The following NCAN variants were observed in gnomAD, a reference collection of about 807,000 sequenced individuals.
NCAN encodes neurocan core protein.
NCAN carries 47 observed loss-of-function variants against 121.8 expected under a neutral mutation model. The observed-to-expected ratio is 0.39, with a 90% CI of 0.31 to 0.49. The LOEUF (loss-of-function observed/expected upper bound fraction) is 0.49, where lower values mean the gene tolerates loss of function less well. Ranked by LOEUF, NCAN falls within the 20% of genes least tolerant of loss-of-function variation. NCAN has a pLI of 0.92. For missense variants in NCAN, 1,517 were observed against 1,773.4 expected, an observed-to-expected ratio of 0.86 and a Z score of 2.60; for synonymous variants, 633 against 702.0, an observed-to-expected ratio of 0.90 and a Z score of 1.55.
chr19:19,224,057 A>G lies in NCAN; in HGVS notation c.512A>G (p.Tyr171Cys). The change falls in exon 4 of 15, where the codon TAT becomes TGT. Residue 171 changes from tyrosine to cysteine, a missense_variant. Transcript: ENST00000252575. ...CACTACCGATCAGCCCGGGACCGCT[A>G]TGCACTGACCTTCGCTGAGGCCCAG... is the stretch of plus-strand genomic sequence containing the variant. The part of the protein sequence containing the change: ...VFHYRSARDR[Y>C]ALTFAEAQEA... The G allele has an allele frequency of 2.5e-6, 4 of 1,585,474 alleles. No homozygotes were observed. The highest frequency in any genetic ancestry group is 2.6e-6 in the Non-Finnish European group (3 of 1,161,202).
At chr19:19,233,235 CT>C (rs1057424399) in intron 8 of NCAN, among the ~76,000 whole-genome samples, 7 of 151,356 alleles carry the variant, frequency 4.6e-5, no homozygotes, top group African/African-American at 9.7e-5. Flanking sequence ...CACCTGGCCT[CT>C]TTTTTTTTAA....
chr19:19,226,494 C>G lies in NCAN; in HGVS notation c.1081C>G (p.Pro361Ala). 6.3e-7 allele frequency: 1 copy of G among 1,585,516 alleles called. No individual in the cohort carries two copies. Among genetic ancestry groups the G allele is most frequent in the Non-Finnish European group, 8.6e-7 (1 of 1,161,818 alleles). The change falls in exon 7 of 15, where the codon CCC (proline) becomes GCC (alanine). Residue 361 changes from proline to alanine, a missense_variant. Pro to Ala is a conservative substitution (Grantham distance 27). Transcript: ENST00000252575. The part of the protein sequence containing the change: ...FDAYCFRAHH[P>A]TSQHGDLETP... The stretch of plus-strand genomic sequence containing the variant: ...TCTGCTTTCTCCCACAGCTCATCAC[C>G]CCACGTCACAACATGGAGACCTAGA...
rs1351441342 is a variant in NCAN at position 19,225,557 on chromosome 19, A to G, written c.1072+287A>G. On this transcript the variant is annotated intron_variant, in intron 6 of 14. Coordinates refer to ENST00000252575, the MANE Select transcript of NCAN (RefSeq NM_004386.3). This position sits in a 1 kb window ranked among gnomAD's most constrained non-coding sequence, Gnocchi z 4.0. ...TCTCCTGAGGTCCGGAGGCCCCATA[A>G]CCTTGAAAGACAAGCCCCTAGGTGG... 6.6e-6 allele frequency among the ~76,000 whole-genome samples: 1 copy of G among 152,090 alleles called. No individual in the cohort carries two copies. The highest frequency in any genetic ancestry group is 2.4e-5 in the African/African-American group (1 of 41,402).
At position 19,243,964 on chromosome 19, in the gene NCAN, G is replaced by A. The variant is rs945618375; in HGVS notation, c.3493-1349G>A. Among the ~76,000 whole-genome samples, 6 of 152,228 alleles carry A rather than the reference G, an allele frequency of 3.9e-5. No individual in the cohort carries two copies. The South Asian group carries it at 8.3e-4, about 21-fold the overall frequency. The stretch of plus-strand genomic sequence containing the variant: ...TTGCTTGAACCGGGACCTGGGAGGC[G>A]GAGGTAGCAGTGAGCGAGATCGCAC... On this transcript the variant is annotated intron_variant, in intron 12 of 14. Transcript: ENST00000252575.
chr19:19,238,665 C>T, intron 11 of NCAN: 1 of 527,382 alleles, frequency 1.9e-6, no homozygotes, highest in Non-Finnish European at 3.4e-6. Context: ...GGCACCATTC[C>T]AGGAATATTG....
chr19:19,225,166 G>C lies in NCAN; in HGVS notation c.968G>C (p.Arg323Pro), dbSNP rs762347973. The change falls in exon 6 of 15, where the codon CGG becomes CCG. Residue 323 changes from arginine to proline, a missense_variant. By Grantham distance (103) the Arg-to-Pro change is moderately radical. Transcript: ENST00000252575. This position sits in a 1 kb window ranked among gnomAD's most constrained non-coding sequence, Gnocchi z 4.0. Reference sequence around the variant, plus strand: ...CGCTACCCGATCCAGACGCCGCGCCGGCGCTGCGGGGGCCCAGCCCCGGGC... The same window carrying C: ...CGCTACCCGATCCAGACGCCGCGCCCGCGCTGCGGGGGCCCAGCCCCGGGC... The part of the protein sequence containing the change: ...SVRYPIQTPR[R>P]RCGGPAPGVR... 6.5e-7 allele frequency: 1 copy of C among 1,531,518 alleles called. No homozygotes were observed. Among genetic ancestry groups the C allele is most frequent in the South Asian group, 1.2e-5 (1 of 83,162 alleles). The allele number at this position is 1,531,518 out of a possible 1,614,324, so 94.9% of individuals were successfully genotyped here.
intron 6 of NCAN, 95 bp from the exon 7 acceptor site, chr19:19,226,391 T>G: frequency 2.0e-6 from 2 of 998,428 alleles, no homozygotes; most frequent in South Asian, 1.6e-5. Flanking sequence ...CACAGAAGGC[T>G]TATGCTGCAG....
chr19:19,245,762 G>A (rs557578161), intron 13 of NCAN, among the ~76,000 whole-genome samples: 94 of 151,400 alleles, frequency 6.2e-4, no homozygotes, highest in Middle Eastern at 6.8e-3. Context: ...ATATGCATAA[G>A]CCATTGTGCC....
intron 14 of NCAN, among the ~76,000 whole-genome samples, chr19:19,249,268 A>T (rs1317698135): frequency 2.6e-5 from 4 of 152,038 alleles, no homozygotes; most frequent in Non-Finnish European, 5.9e-5. Context: ...ACAGGGTTTC[A>T]CTATGTTGGC....
At chr19:19,238,514 G>A (rs746692493) in intron 11 of NCAN, 103 bp downstream of exon 11, 62 of 1,401,278 alleles carry the variant, frequency 4.4e-5, no homozygotes, top group Non-Finnish European at 5.6e-5. Context: ...TTTTCAAGAC[G>A]TCATCTTTCC....
chr19:19,228,610 G>A lies in NCAN; in HGVS notation c.2990G>A (p.Gly997Glu), dbSNP rs1440231896. Residue 997 changes from glycine to glutamate, a missense_variant, in exon 8 of 15, where the codon GGG (glycine) becomes GAG (glutamate). Gly to Glu is a moderately conservative substitution (Grantham distance 98). Coordinates refer to ENST00000252575, the MANE Select transcript of NCAN (RefSeq NM_004386.3). ...VASGEEPALP[G>E]TPMNAGAEEV... ...AGTGGAGAGGAGCCAGCCCTGCCAG[G>A]GACCCCTATGAATGCAGGTGCGGAG... The A allele has an allele frequency of 6.2e-7, 1 of 1,612,146 alleles. No individual in the cohort carries two copies. The highest frequency in any genetic ancestry group is 1.7e-5 in the Admixed American group (1 of 59,998).
chr19:19,246,226 C>T (rs549271167), intron 13 of NCAN, among the ~76,000 whole-genome samples: 7 of 151,098 alleles, frequency 4.6e-5, no homozygotes, highest in East Asian at 2.0e-4. Flanking sequence ...TTAGTAGAGA[C>T]GGGGTTTCAC....
chr19:19,218,795 T>C, intron 2 of NCAN, 120 bp from the exon 3 acceptor site: 1 of 1,025,034 alleles, frequency 9.8e-7, no homozygotes, highest in African/African-American at 1.7e-5. Context: ...TGAGGTCAAG[T>C]GGCCCTAGGT....
intron 13 of NCAN, among the ~76,000 whole-genome samples, chr19:19,247,706 A>G (rs1022221725): frequency 6.6e-6 from 1 of 152,134 alleles, no homozygotes; most frequent in African/African-American, 2.4e-5. Context: ...TTGCTCAGAT[A>G]ATTATTATTG....
intron 3 of NCAN, 46 bp downstream of exon 3, chr19:19,219,362 G>T: frequency 6.9e-7 from 1 of 1,441,460 alleles, no homozygotes; most frequent in Admixed American, 2.4e-5. Context: ...GAGAGGGAGG[G>T]CTGAGCCTGG....
rs796268538 is a variant in NCAN, at chr19:19,212,898, C to T, written c.-8+834C>T. On this transcript the variant is annotated intron_variant, in intron 1 of 14. Transcript: ENST00000252575. This position sits in a 1 kb window ranked among gnomAD's most constrained non-coding sequence, Gnocchi z 4.5. Reference sequence around the variant, plus strand: ...AGCCTCCCACGTCCTTACAGCATGACACAGACCCCTACCCCCACCCCCTTT... The same window carrying T: ...AGCCTCCCACGTCCTTACAGCATGATACAGACCCCTACCCCCACCCCCTTT... 6.6e-6 allele frequency among the ~76,000 whole-genome samples: 1 copy of T among 152,296 alleles called. No homozygotes were observed. The highest frequency in any genetic ancestry group is 2.4e-5 in the African/African-American group (1 of 41,572).
At position 19,240,611 on chromosome 19, in the gene NCAN, C is replaced by A; in HGVS notation, c.3418C>A (p.His1140Asn). 6.2e-7 allele frequency: 1 copy of A among 1,614,098 alleles called. No individual in the cohort carries two copies. The highest frequency in any genetic ancestry group is 8.5e-7 in the Non-Finnish European group (1 of 1,180,030). The change falls in exon 12 of 15, where the codon CAT becomes AAT. Residue 1140 changes from histidine to asparagine, a missense_variant. Transcript: ENST00000252575. ...AACCCCCGACCCTGCAGGCTTTGGG[C>A]ATGAAAACACGTGGATCGGCCTGAA... ...EEHSFINSFG[H>N]ENTWIGLNDR...
intron 11 of NCAN, 62 bp from the exon 12 acceptor site, chr19:19,240,541 C>A: frequency 6.5e-7 from 1 of 1,545,788 alleles, no homozygotes; most frequent in Non-Finnish European, 8.9e-7. Context: ...CACCTGCAGC[C>A]TGTGCCCTGG....
At chr19:19,248,645 A>T in intron 13 of NCAN, 55 bp from the exon 14 acceptor site, 1 of 1,539,380 alleles carries the variant, frequency 6.5e-7, no homozygotes. Flanking sequence ...AACAACAACA[A>T]CTAGTTTAGC....
Sources: allele counts gnomAD v4.1 joint callset (sites outside exome capture counted in the v4.1 genomes callset), GRCh38; gene constraint gnomAD v4.1.1; non-coding constraint Gnocchi (gnomAD v3.1); transcripts MANE v1.5; gene names NCBI Gene and HGNC (gene_info 2026-07-23, HGNC 2026-07-21).